Variants in ZYG11B observed in about 807,000 individuals in gnomAD.
ZYG11B encodes the protein zyg-11 family member B, cell cycle regulator, also known as protein zyg-11 homolog B.
Under a neutral mutation model 82.4 loss-of-function variants are expected in ZYG11B, and 36 were observed. The observed-to-expected ratio is 0.44, with a 90% confidence interval of 0.33 to 0.58. The LOEUF is 0.58. ZYG11B is among the 20% of genes least tolerant of loss of function. The probability of loss-of-function intolerance (pLI) is 0.02; values close to 1 mark genes in which losing one functional copy is unlikely to be tolerated. For missense variants in ZYG11B, 552 were observed against 895.6 expected (o/e 0.62, Z 4.90); for synonymous variants, 303 against 312.8 (o/e 0.97, Z 0.33).
chr1:52,736,139 A>C (rs188062590), intron 1 of ZYG11B, among the ~76,000 whole-genome samples: 2 of 152,294 alleles, frequency 1.3e-5, no homozygotes, highest in Admixed American at 6.5e-5. Context: ...CTGCTGTGCT[A>C]TACAGATTGT....
rs899514485 is a variant in ZYG11B, at chr1:52,770,088, A to T, written c.197-932A>T. On this transcript the variant is annotated intron_variant, in intron 2 of 13. Coordinates refer to ENST00000294353, the MANE Select transcript of ZYG11B (RefSeq NM_024646.3). ...CTGTAACTACTATATATATATATAT[A>T]TATATTTTTTTTTTTTTTTCAGAGA... is the stretch of plus-strand genomic sequence containing the variant. Among the ~76,000 whole-genome samples the T allele has an allele frequency of 3.8e-3, 291 of 76,892 alleles. 1 individual carries two copies. The highest frequency in any genetic ancestry group is 9.3e-3 in the African/African-American group (249 of 26,846). 50.4% of individuals were successfully genotyped at this position (76,892 alleles called of 152,430 possible).
rs1273752945 is a variant in ZYG11B, at chr1:52,821,712, T to A, written c.*83T>A. On this transcript the variant is annotated 3_prime_UTR_variant, in exon 14 of 14. Transcript: ENST00000294353. ...GGAATATCTTACCCTCCCTGATGTTTTGGGGGTTTCTATGACAAGAGTCAT... is the reference window on the plus strand; with the variant it reads ...GGAATATCTTACCCTCCCTGATGTTATGGGGGTTTCTATGACAAGAGTCAT... The A allele has an allele frequency of 8.1e-6, 11 of 1,352,274 alleles. No homozygotes were observed. Among genetic ancestry groups the A allele is most frequent in the Non-Finnish European group, 1.0e-5 (10 of 991,416 alleles). 83.8% of individuals were successfully genotyped at this position (1,352,274 alleles called of 1,614,324 possible).
chr1:52,789,928 T>TA lies in ZYG11B; in HGVS notation c.1270-74dup, dbSNP rs1425783903. ...ATCAGTCTTCTTCTTTTTTTTTTTT[T>TA]ATGGAAGCTACCATGGTTAAAATAT... is the stretch of plus-strand genomic sequence containing the variant. On this transcript the variant is annotated intron_variant, in intron 5 of 13. Coordinates refer to ENST00000294353, the MANE Select transcript of ZYG11B (RefSeq NM_024646.3). 9.8e-6 allele frequency: 10 copies of TA among 1,023,516 alleles called. No homozygotes were observed. In the Admixed American group the frequency reaches 2.1e-4, roughly 22 times the overall value. 63.4% of individuals were successfully genotyped at this position (1,023,516 alleles called of 1,614,324 possible). A position where few individuals can be genotyped will look rare whatever the true frequency, so the allele number is the denominator to read the frequency against.
chr1:52,820,420 G>A (rs975085922), intron 13 of ZYG11B, among the ~76,000 whole-genome samples: 20 of 151,812 alleles, frequency 1.3e-4, no homozygotes, highest in African/African-American at 4.8e-4. Context: ...GCTGAGGCAG[G>A]CAGATCACTT....
chr1:52,779,907 G>C lies in ZYG11B; in HGVS notation c.1006G>C (p.Glu336Gln), dbSNP rs755302577. ...QIAEALKRYSERAFFVREALF... is the reference protein window; with the variant it reads ...QIAEALKRYSQRAFFVREALF... ...TGCAGAAGCACTGAAGCGTTACAGT[G>C]AACGGGCATTCTTTGTTCGGGAAGC... The change falls in exon 4 of 14, where the codon GAA becomes CAA. Residue 336 changes from glutamate to glutamine, a missense_variant. Glu to Gln is a conservative substitution (Grantham distance 29, BLOSUM62 2). Coordinates refer to ENST00000294353, the MANE Select transcript of ZYG11B (RefSeq NM_024646.3). 1 of 1,614,196 alleles carries C rather than the reference G, an allele frequency of 6.2e-7. No homozygotes were observed. Among genetic ancestry groups the C allele is most frequent in the South Asian group, 1.1e-5 (1 of 91,086 alleles).
chr1:52,750,716 A>G (rs1644515248), intron 1 of ZYG11B, among the ~76,000 whole-genome samples: 4 of 152,160 alleles, frequency 2.6e-5, no homozygotes, highest in Admixed American at 2.6e-4. Flanking sequence ...GAACATTTTC[A>G]TCACTCCAAA....
At chr1:52,777,761 A>G (rs935525356) in intron 3 of ZYG11B, among the ~76,000 whole-genome samples, 7 of 152,124 alleles carry the variant, frequency 4.6e-5, no homozygotes, top group Admixed American at 1.3e-4. Flanking sequence ...ATGTTTATAT[A>G]CAACTTAGTT....
chr1:52,791,376 T>C (rs1433667926), intron 6 of ZYG11B, among the ~76,000 whole-genome samples: 1 of 150,406 alleles, frequency 6.6e-6, no homozygotes, highest in Non-Finnish European at 1.5e-5. Context: ...TTTTATTTTA[T>C]TTTTTTTTTG....
At chr1:52,802,340 C>CTTTTTTTTTTTT (rs397980205) in intron 10 of ZYG11B, among the ~76,000 whole-genome samples, 3 of 78,072 alleles carry the variant, frequency 3.8e-5, no homozygotes, top group Non-Finnish European at 7.0e-5. Flanking sequence ...TTCTTTCTCT[C>CTTTTTTTTTTTT]TTTTTTTTTT....
At chr1:52,781,374 C>A (rs950397752) in intron 4 of ZYG11B, among the ~76,000 whole-genome samples, 1 of 152,134 alleles carries the variant, frequency 6.6e-6, no homozygotes, top group African/African-American at 2.4e-5. Flanking sequence ...TGGCACGCAC[C>A]TGTAGTCCCA....
At chr1:52,806,634 C>T (rs1298057903) in intron 10 of ZYG11B, among the ~76,000 whole-genome samples, 1 of 152,106 alleles carries the variant, frequency 6.6e-6, no homozygotes, top group African/African-American at 2.4e-5. Flanking sequence ...GCCATTTGTA[C>T]TTTCTTTTGA....
intron 8 of ZYG11B, among the ~76,000 whole-genome samples, chr1:52,800,324 C>T (rs571161132): frequency 1.8e-4 from 27 of 150,704 alleles, no homozygotes; most frequent in East Asian, 7.8e-4. Context: ...ATGCTAAGTA[C>T]GTAACACTAA....
At chr1:52,816,914 GA>G (rs1297360456) in intron 13 of ZYG11B, among the ~76,000 whole-genome samples, 1 of 150,276 alleles carries the variant, frequency 6.7e-6, no homozygotes, top group Non-Finnish European at 1.5e-5. Context: ...TCAGCCTCCC[GA>G]GTAGCTGAGA....
chr1:52,817,777 G>GTGTGTGTATA (rs1352242565), intron 13 of ZYG11B, among the ~76,000 whole-genome samples: 1 of 41,540 alleles, frequency 2.4e-5, no homozygotes, highest in Non-Finnish European at 3.9e-5. Context: ...ATATATATGT[G>GTGTGTGTATA]TATATATATA....
chr1:52,782,738 G>A (rs746087214), intron 4 of ZYG11B, among the ~76,000 whole-genome samples: 15 of 151,636 alleles, frequency 9.9e-5, no homozygotes, highest in Non-Finnish European at 1.6e-4. Context: ...CAACCACACC[G>A]GGCTAATTTT....
intron 2 of ZYG11B, among the ~76,000 whole-genome samples, chr1:52,763,428 A>G (rs1324096895): frequency 3.3e-5 from 5 of 152,114 alleles, no homozygotes; most frequent in South Asian, 4.1e-4. Context: ...TTTTTATTTT[A>G]AGAGGCAGGG....
At chr1:52,775,320 G>GGT (rs1305288072) in intron 3 of ZYG11B, among the ~76,000 whole-genome samples, 1 of 152,134 alleles carries the variant, frequency 6.6e-6, no homozygotes, top group Non-Finnish European at 1.5e-5. Context: ...GGCCAGGCGT[G>GGT]GTGGCTCATG....
intron 1 of ZYG11B, among the ~76,000 whole-genome samples, chr1:52,737,936 A>G (rs963549093): frequency 6.6e-6 from 1 of 152,252 alleles, no homozygotes. Flanking sequence ...TAGATCAGAT[A>G]GTTTCTTTTA....
chr1:52,772,028 T>C (rs897421856), intron 3 of ZYG11B, among the ~76,000 whole-genome samples: 10 of 152,218 alleles, frequency 6.6e-5, no homozygotes, highest in African/African-American at 2.4e-4. Context: ...TTAATAATAA[T>C]CTATGTAAAG....
Sources: gnomAD v4.1 joint callset for allele counts (sites outside exome capture counted in the v4.1 genomes callset) on GRCh38, gnomAD v4.1.1 for gene constraint, MANE v1.5 for transcripts, NCBI Gene and HGNC (gene_info 2026-07-23, HGNC 2026-07-21) for gene names.